Variants in EVA1A observed in about 807,000 individuals in gnomAD.
EVA1A encodes the protein eva-1 homolog A, regulator of programmed cell death.
EVA1A carries 7 observed loss-of-function variants against 9.8 expected under a neutral mutation model. The ratio of observed to expected loss-of-function variants is 0.71; its 90% confidence interval spans 0.41 to 1.34. The LOEUF is 1.34. EVA1A is among the 40% of genes most tolerant of loss of function. EVA1A has a pLI of 0.01. For synonymous variants in EVA1A, 90 were observed against 85.6 expected, an observed-to-expected ratio of 1.05 and a Z score of -0.28; for missense variants, 206 against 205.9, an observed-to-expected ratio of 1.00 and a Z score of 0.00.
At chr2:75,531,257 T>C (rs1169617019) in intron 1 of EVA1A, among the ~76,000 whole-genome samples, 1 of 152,152 alleles carries the variant, frequency 6.6e-6, no homozygotes, top group Non-Finnish European at 1.5e-5. Flanking sequence ...AACTAATAGA[T>C]GTTGGCATGG....
chr2:75,565,988 T>C (rs1677019104), intron 1 of EVA1A, among the ~76,000 whole-genome samples: 1 of 152,226 alleles, frequency 6.6e-6, no homozygotes. Flanking sequence ...TCTCTCTCTC[T>C]TTCTCTCTCT....
intron 1 of EVA1A, among the ~76,000 whole-genome samples, chr2:75,545,434 C>T (rs1414444577): frequency 6.6e-6 from 1 of 152,160 alleles, no homozygotes; most frequent in Non-Finnish European, 1.5e-5. Context: ...TGAGAACCAT[C>T]TTCCCATAGG....
At chr2:75,540,782 GA>G (rs1241782834) in intron 1 of EVA1A, 13 of 152,356 alleles carry the variant, frequency 8.5e-5, no homozygotes, top group African/African-American at 2.4e-4. Flanking sequence ...GGAATCGGAT[GA>G]TGGCACTGTA....
intron 3 of EVA1A, among the ~76,000 whole-genome samples, chr2:75,516,085 G>A (rs1278410944): frequency 6.6e-6 from 1 of 152,240 alleles, no homozygotes; most frequent in East Asian, 1.9e-4. Context: ...GCCCTGCGGG[G>A]TTGAAGATCT....
At chr2:75,539,195 C>G (rs1676026264) in intron 1 of EVA1A, among the ~76,000 whole-genome samples, 1 of 152,160 alleles carries the variant, frequency 6.6e-6, no homozygotes, top group South Asian at 2.1e-4. Flanking sequence ...TATCCTCTTT[C>G]TCATGAGGAA....
chr2:75,506,029 A>G (rs1674609026), intron 3 of EVA1A, among the ~76,000 whole-genome samples: 1 of 152,192 alleles, frequency 6.6e-6, no homozygotes, highest in Non-Finnish European at 1.5e-5. Flanking sequence ...CTGTACATGT[A>G]CACTTCACAT....
In EVA1A at chr2:75,527,663, C is replaced by T. The variant is rs532847191; in HGVS notation, c.-191-5176G>A. ...ACTTCAACAAGCAATTATGCACATG[C>T]TTAAAACAAATAAAGAAATTAAAAG... is the stretch of plus-strand genomic sequence containing the variant. On this transcript the variant is annotated intron_variant, in intron 1 of 3. Transcript: ENST00000393913. 6.1e-4 allele frequency among the ~76,000 whole-genome samples: 93 copies of T among 152,122 alleles called. No individual in the cohort carries two copies. In the South Asian group the frequency reaches 0.011, roughly 18 times the overall value.
At chr2:75,520,703 G>A (rs1479856660) in intron 2 of EVA1A, among the ~76,000 whole-genome samples, 1 of 152,132 alleles carries the variant, frequency 6.6e-6, no homozygotes, top group Admixed American at 6.5e-5. Flanking sequence ...CTCAAAATGT[G>A]TCAAAGACCT....
chr2:75,548,534 C>T (rs995439403), intron 1 of EVA1A, among the ~76,000 whole-genome samples: 4 of 152,172 alleles, frequency 2.6e-5, no homozygotes, highest in Admixed American at 2.0e-4. Context: ...TCTCTACTCC[C>T]TTTCCACATG....
At chr2:75,549,486 C>T (rs1004832874) in intron 1 of EVA1A, among the ~76,000 whole-genome samples, 1 of 152,066 alleles carries the variant, frequency 6.6e-6, no homozygotes, top group Admixed American at 6.5e-5. Context: ...ACACCCACAC[C>T]CAGCCAAAGG....
At chr2:75,497,850 C>CA (rs33933086) in intron 3 of EVA1A, among the ~76,000 whole-genome samples, 45,768 of 67,032 alleles carry the variant, frequency 0.68, 16,232 homozygotes, top group Non-Finnish European at 0.74. Context: ...GATCCTGTCT[C>CA]AAAAAAAAAA....
At chr2:75,498,804 T>C (rs1572943861) in intron 3 of EVA1A, among the ~76,000 whole-genome samples, 1 of 53,388 alleles carries the variant, frequency 1.9e-5, no homozygotes, top group Non-Finnish European at 3.5e-5. Flanking sequence ...CACACACCTT[T>C]TTTTTTTTTT....
intron 2 of EVA1A, among the ~76,000 whole-genome samples, chr2:75,519,626 G>A (rs1004720641): frequency 2.6e-5 from 4 of 152,126 alleles, no homozygotes; most frequent in Non-Finnish European, 2.9e-5. Flanking sequence ...AGAACACAGC[G>A]CCTCTTTCAA....
rs1427544033 is a variant in EVA1A at position 75,493,491 on chromosome 2, C to T, written c.204G>A (p.Gly68=). 3.1e-6 allele frequency: 5 copies of T among 1,614,130 alleles called. No homozygotes were observed. The highest frequency in any genetic ancestry group is 4.2e-6 in the Non-Finnish European group (5 of 1,180,056). The change falls in exon 4 of 4, where the codon GGG becomes GGA. Residue 68 remains glycine, a synonymous_variant. Coordinates refer to ENST00000393913, the MANE Select transcript of EVA1A (RefSeq NM_001135032.2). The part of the protein sequence containing the change: ...SCHTDCRRRP[G]KKFLQDRESS... ...TCTCTCTGTCCTGCAGGAACTTCTT[C>T]CCGGGACGCCGCCTGCAGTCTGTGT...
intron 1 of EVA1A, among the ~76,000 whole-genome samples, chr2:75,557,110 T>C (rs979762545): frequency 5.3e-5 from 8 of 152,176 alleles, no homozygotes; most frequent in Non-Finnish European, 1.5e-5. Flanking sequence ...GGAGACAACC[T>C]GCCAAAACAA....
At chr2:75,567,043 A>T (rs1398861804) in intron 1 of EVA1A, among the ~76,000 whole-genome samples, 2 of 152,212 alleles carry the variant, frequency 1.3e-5, no homozygotes, top group Non-Finnish European at 2.9e-5. Flanking sequence ...GAGACAACGG[A>T]ACTATGAAAG....
intron 3 of EVA1A, among the ~76,000 whole-genome samples, chr2:75,513,315 C>T (rs1363333939): frequency 6.6e-5 from 10 of 152,144 alleles, no homozygotes; most frequent in Non-Finnish European, 1.0e-4. Flanking sequence ...TTTCAGTATA[C>T]TATAAAATAT....
intron 1 of EVA1A, among the ~76,000 whole-genome samples, chr2:75,551,339 T>C (rs1676515910): frequency 6.6e-6 from 1 of 151,844 alleles, no homozygotes; most frequent in East Asian, 1.9e-4. Flanking sequence ...TCCCCTCATC[T>C]GTTAGACTCC....
intron 1 of EVA1A, among the ~76,000 whole-genome samples, chr2:75,527,662 G>A (rs1346405481): frequency 6.6e-6 from 1 of 152,134 alleles, no homozygotes; most frequent in Non-Finnish European, 1.5e-5. Flanking sequence ...TTATGCACAT[G>A]CTTAAAACAA....
Sources: allele counts gnomAD v4.1 joint callset (sites outside exome capture counted in the v4.1 genomes callset), GRCh38; gene constraint gnomAD v4.1.1; transcripts MANE v1.5; gene names NCBI Gene and HGNC (gene_info 2026-07-23, HGNC 2026-07-21).